Variants in SLC25A43 observed in about 807,000 individuals in gnomAD.
The protein encoded by SLC25A43 is solute carrier family 25 member 43.
SLC25A43 carries 10 observed loss-of-function variants against 22.8 expected under a neutral mutation model. The observed-to-expected ratio is 0.44, with a 90% confidence interval of 0.27 to 0.74. SLC25A43 has a LOEUF of 0.74. SLC25A43 is among the 30% of genes least tolerant of loss of function. SLC25A43 has a pLI of 0.17. For missense variants in SLC25A43, 233 were observed against 279.1 expected, an observed-to-expected ratio of 0.83 and a Z score of 1.18; for synonymous variants, 106 against 121.6, an observed-to-expected ratio of 0.87 and a Z score of 0.84.
chrX:119,405,025 TA>T (rs1003806997), intron 1 of SLC25A43, among the ~76,000 whole-genome samples: 21 of 110,624 alleles, frequency 1.9e-4, no homozygotes, highest in Admixed American at 1.1e-3. Flanking sequence ...CTTGGGCAGG[TA>T]AAAGGAGGGC....
At chrX:119,400,278 C>T (rs1284333323) in intron 1 of SLC25A43, among the ~76,000 whole-genome samples, 3 of 110,879 alleles carry the variant, frequency 2.7e-5, no homozygotes, top group Non-Finnish European at 5.7e-5. Context: ...ACGGCCCCCT[C>T]AGCCTACCGC....
intron 3 of SLC25A43, among the ~76,000 whole-genome samples, chrX:119,448,646 G>A (rs1365159138): frequency 1.8e-5 from 2 of 111,335 alleles, no homozygotes; most frequent in Non-Finnish European, 3.8e-5. Context: ...TTCTTGGTGA[G>A]GTCTTCTCTG....
At chrX:119,435,005 A>G (rs1305678741) in intron 3 of SLC25A43, among the ~76,000 whole-genome samples, 1 of 109,886 alleles carries the variant, frequency 9.1e-6, no homozygotes, top group Admixed American at 9.8e-5. Context: ...CGCCTGGCTA[A>G]TTTTTGTATT....
intron 3 of SLC25A43, among the ~76,000 whole-genome samples, chrX:119,412,390 TGAGAGACAG>T (rs2052357882): frequency 9.1e-6 from 1 of 110,491 alleles, no homozygotes. Context: ...TTTTTTTTTT[TGAGAGACAG>T]AGTCTCACTC....
intron 3 of SLC25A43, among the ~76,000 whole-genome samples, chrX:119,415,207 G>T (rs1340167618): frequency 9.1e-6 from 1 of 109,827 alleles, no homozygotes; most frequent in African/African-American, 3.3e-5. Flanking sequence ...ACAGGGGTGA[G>T]CCGCCGTGCC....
At chrX:119,443,223 G>A (rs1401538880) in intron 3 of SLC25A43, among the ~76,000 whole-genome samples, 5 of 100,812 alleles carry the variant, frequency 5.0e-5, no homozygotes, top group Admixed American at 1.1e-4. Context: ...AGGTTCAAGC[G>A]ATTCTCATGC....
intron 3 of SLC25A43, among the ~76,000 whole-genome samples, chrX:119,416,380 C>T (rs1045964611): frequency 9.0e-6 from 1 of 111,072 alleles, no homozygotes; most frequent in Non-Finnish European, 1.9e-5. Flanking sequence ...CCACCACGCC[C>T]GGCTAAGTTT....
intron 3 of SLC25A43, among the ~76,000 whole-genome samples, chrX:119,427,454 G>A (rs1435291248): frequency 8.9e-6 from 1 of 112,164 alleles, no homozygotes; most frequent in Non-Finnish European, 1.9e-5. Context: ...CTGGCGGGCA[G>A]CTGCCTACAC....
At chrX:119,445,007 C>T (rs1346161669) in intron 3 of SLC25A43, among the ~76,000 whole-genome samples, 4 of 86,807 alleles carry the variant, frequency 4.6e-5, no homozygotes, top group African/African-American at 1.8e-4. Context: ...TGCACTGCAG[C>T]AGCCTGGGTG....
chrX:119,401,826 C>T (rs1361966757), intron 1 of SLC25A43, among the ~76,000 whole-genome samples: 1 of 110,021 alleles, frequency 9.1e-6, no homozygotes, highest in Non-Finnish European at 1.9e-5. Context: ...AGAGTGGAGA[C>T]AGCAGGGCCA....
At position 119,399,521 on chromosome X, in the gene SLC25A43, G is replaced by A; in HGVS notation, c.118G>A (p.Ala40Thr). 9.2e-7 allele frequency: 1 copy of A among 1,092,555 alleles called. No homozygotes were observed. The highest frequency in any genetic ancestry group is 2.2e-5 in the South Asian group (1 of 45,426). 90.0% of individuals were successfully genotyped at this position (1,092,555 alleles called of 1,213,427 possible). The change falls in exon 1 of 5, where the codon GCC becomes ACC. Residue 40 changes from alanine (A) to threonine (T), a missense_variant. Coordinates refer to ENST00000217909, the MANE Select transcript of SLC25A43 (RefSeq NM_145305.3). ...TAPLELATVL[A>T]QVGVVRGHAR... ...GCCCCTGGAGCTCGCCACCGTGCTG[G>A]CCCAGGTTGGCGTCGTGCGAGGCCA...
At chrX:119,404,466 GGGTGAGGTAA>G (rs1440043399) in intron 1 of SLC25A43, among the ~76,000 whole-genome samples, 2 of 112,344 alleles carry the variant, frequency 1.8e-5, no homozygotes, top group African/African-American at 6.5e-5. Flanking sequence ...GAGATGGGCA[GGGTGAGGTAA>G]GGGGCAGGGG....
intron 3 of SLC25A43, 181 bp from the exon 4 acceptor site, chrX:119,451,828 G>A: frequency 1.0e-5 from 11 of 1,071,270 alleles, no homozygotes; most frequent in Non-Finnish European, 1.3e-5. Flanking sequence ...TGATTGTATT[G>A]CACGTTAATA....
chrX:119,401,708 A>T (rs1265480766), intron 1 of SLC25A43, among the ~76,000 whole-genome samples: 1 of 107,455 alleles, frequency 9.3e-6, no homozygotes, highest in African/African-American at 3.4e-5. Flanking sequence ...ATCCAAGGGT[A>T]GCTGTGGGAG....
rs142240806 is a variant in SLC25A43 at position 119,410,344 on chromosome X, C to A, written c.672C>A (p.Thr224=). The stretch of plus-strand genomic sequence containing the variant: ...AGACCCTCTCCTTTCCCTTTGAGAC[C>A]GTGAAGAGAAAGATGCAGGTGAGGA... ...VTQTLSFPFE[T]VKRKMQAQSP... Residue 224 remains threonine, a synonymous_variant, in exon 3 of 5, where the codon ACC becomes ACA. Transcript: ENST00000217909. 1.7e-6 allele frequency: 2 copies of A among 1,208,731 alleles called. No homozygotes were observed. The highest frequency in any genetic ancestry group is 3.5e-5 in the African/African-American group (2 of 56,830).
intron 3 of SLC25A43, among the ~76,000 whole-genome samples, chrX:119,420,289 CTT>C (rs58312594): frequency 0.16 from 14,504 of 91,563 alleles, 855 homozygotes; most frequent in African/African-American, 0.22. Flanking sequence ...GCGTTAGATC[CTT>C]TTTTTTTTTT....
chrX:119,403,584 A>G (rs947361684), intron 1 of SLC25A43, among the ~76,000 whole-genome samples: 3 of 112,055 alleles, frequency 2.7e-5, no homozygotes, highest in African/African-American at 9.7e-5. Flanking sequence ...CACCACGCCC[A>G]GCCCCAGTCA....
intron 2 of SLC25A43, among the ~76,000 whole-genome samples, chrX:119,409,915 C>T (rs1484005011): frequency 8.9e-6 from 1 of 112,400 alleles, no homozygotes; most frequent in Admixed American, 9.4e-5. Flanking sequence ...CACGCCCAGC[C>T]GTATGGTTGT....
intron 3 of SLC25A43, among the ~76,000 whole-genome samples, chrX:119,431,280 G>A (rs2052549357): frequency 8.9e-6 from 1 of 111,956 alleles, no homozygotes; most frequent in Non-Finnish European, 1.9e-5. Context: ...CACTTTGGGA[G>A]GCCGAGGTAG....
Sources: allele counts gnomAD v4.1 joint callset (sites outside exome capture counted in the v4.1 genomes callset), GRCh38; gene constraint gnomAD v4.1.1; transcripts MANE v1.5; gene names NCBI Gene and HGNC (gene_info 2026-07-23, HGNC 2026-07-21).